The following CDK13 variants were observed in gnomAD, a reference collection of about 807,000 sequenced individuals.
The protein encoded by CDK13 is cyclin dependent kinase 13, also known as cyclin-dependent kinase 13.
In CDK13, 40 loss-of-function variants were observed where a neutral mutation model predicts 137.6. The ratio of observed to expected loss-of-function variants is 0.29; its 90% CI spans 0.23 to 0.38. The LOEUF (loss-of-function observed/expected upper bound fraction) is 0.38, where lower values mean the gene tolerates loss of function less well. Ranked by LOEUF, CDK13 falls within the 10% of genes least tolerant of loss-of-function variation. CDK13 has a pLI of 1.00. For synonymous variants in CDK13, 869 were observed against 760.1 expected (o/e 1.14, Z -2.36); for missense variants, 1,704 against 1,951.8 (o/e 0.87, Z 2.39).
At chr7:39,970,603 G>A (rs1783977740) in intron 1 of CDK13, among the ~76,000 whole-genome samples, 1 of 151,984 alleles carries the variant, frequency 6.6e-6, no homozygotes, top group South Asian at 2.1e-4. Context: ...TGGGATTACA[G>A]GCATGTGCCA....
At chr7:40,087,553 T>TG (rs1562767317) in intron 11 of CDK13, among the ~76,000 whole-genome samples, 2 of 147,430 alleles carry the variant, frequency 1.4e-5, no homozygotes, top group African/African-American at 2.6e-5. Context: ...GGTGTTTTTT[T>TG]TTTTTTTTTT....
intron 11 of CDK13, among the ~76,000 whole-genome samples, chr7:40,084,635 A>C (rs1786745014): frequency 1.3e-5 from 2 of 152,376 alleles, no homozygotes; most frequent in South Asian, 4.1e-4. Context: ...TATAAGACAA[A>C]ATATCAGTTG....
At chr7:40,045,022 T>A (rs909321084) in intron 5 of CDK13, among the ~76,000 whole-genome samples, 2 of 152,214 alleles carry the variant, frequency 1.3e-5, no homozygotes, top group African/African-American at 4.8e-5. Flanking sequence ...AATAAACTTT[T>A]AAGAAAGACT....
At chr7:40,072,142 T>C (rs1205380405) in intron 9 of CDK13, 1 of 152,186 alleles carries the variant, frequency 6.6e-6, no homozygotes, top group Non-Finnish European at 1.5e-5. Context: ...GTACATTCTT[T>C]TTTTGAGAGA....
At chr7:40,038,599 A>G (rs1785536415) in intron 5 of CDK13, among the ~76,000 whole-genome samples, 1 of 152,116 alleles carries the variant, frequency 6.6e-6, no homozygotes, top group Non-Finnish European at 1.5e-5. Context: ...CAATGTATGA[A>G]AGTGTTTCTT....
At chr7:40,056,906 CAA>C (rs2150523473) in intron 7 of CDK13, among the ~76,000 whole-genome samples, 1 of 152,324 alleles carries the variant, frequency 6.6e-6, no homozygotes, top group South Asian at 2.1e-4. Context: ...AAGAGAACCA[CAA>C]AAGTTAGTGG....
At chr7:40,018,803 A>G (rs566503263) in intron 5 of CDK13, among the ~76,000 whole-genome samples, 5 of 152,180 alleles carry the variant, frequency 3.3e-5, no homozygotes, top group Non-Finnish European at 7.4e-5. Flanking sequence ...CTCGGGTGAC[A>G]GGGGCACTAA....
intron 5 of CDK13, among the ~76,000 whole-genome samples, chr7:40,041,687 A>T (rs1785609179): frequency 6.6e-6 from 1 of 152,220 alleles, no homozygotes; most frequent in African/African-American, 2.4e-5. Flanking sequence ...AAATAACAGC[A>T]GAGATAGCGG....
At chr7:40,091,961 A>AG (rs1032235101) in intron 12 of CDK13, among the ~76,000 whole-genome samples, 1 of 152,194 alleles carries the variant, frequency 6.6e-6, no homozygotes, top group Non-Finnish European at 1.5e-5. Flanking sequence ...AGCTTGCGTG[A>AG]GGGAGGACCT....
intron 3 of CDK13, chr7:39,998,647 T>TA (rs915675662): frequency 6.6e-6 from 1 of 151,744 alleles, no homozygotes; most frequent in Non-Finnish European, 1.5e-5. Flanking sequence ...ATAAAATAGC[T>TA]AAAAAATACT....
intron 1 of CDK13, among the ~76,000 whole-genome samples, chr7:39,980,437 A>G (rs2116230865): frequency 6.6e-6 from 1 of 152,332 alleles, no homozygotes; most frequent in African/African-American, 2.4e-5. Flanking sequence ...TAGTTAATAG[A>G]GCTGTTATAA....
At chr7:40,081,034 A>G (rs1049260019) in intron 11 of CDK13, among the ~76,000 whole-genome samples, 2 of 152,266 alleles carry the variant, frequency 1.3e-5, no homozygotes, top group Middle Eastern at 6.8e-3. Context: ...TTCAAAGTTC[A>G]GCATTCTGTT....
intron 1 of CDK13, 148 bp from the exon 2 acceptor site, chr7:39,987,451 A>G (rs1784363128): frequency 1.4e-6 from 1 of 704,584 alleles, no homozygotes; most frequent in Middle Eastern, 4.0e-4. Flanking sequence ...ACTTTAAAGA[A>G]ATTTTTATTT....
At chr7:40,017,870 T>G (rs114441889) in intron 5 of CDK13, among the ~76,000 whole-genome samples, 5,938 of 151,954 alleles carry the variant, frequency 0.039, 338 homozygotes, top group African/African-American at 0.13. Context: ...TCTTAATCTT[T>G]TATTTTTATC....
intron 11 of CDK13, among the ~76,000 whole-genome samples, chr7:40,087,242 C>G (rs1786807886): frequency 6.6e-6 from 1 of 152,100 alleles, no homozygotes; most frequent in African/African-American, 2.4e-5. Flanking sequence ...CACCTGGGCT[C>G]AAGCTATTCT....
rs577618093 is a variant in CDK13 at position 39,988,774 on chromosome 7, A to G, written c.1871+516A>G. Reference sequence around the variant, plus strand: ...CTGTCTTGCAGTTGGGATTAATCACATTATATTATAGAAAACTCATAATGT... The same window carrying G: ...CTGTCTTGCAGTTGGGATTAATCACGTTATATTATAGAAAACTCATAATGT... On this transcript the variant is annotated intron_variant, in intron 2 of 13. Coordinates refer to ENST00000181839, the MANE Select transcript of CDK13 (RefSeq NM_003718.5). Among the ~76,000 whole-genome samples the G allele has an allele frequency of 2.0e-5, 3 of 152,270 alleles. No individual in the cohort carries two copies. In the South Asian group the frequency reaches 6.2e-4, roughly 32 times the overall value.
intron 7 of CDK13, among the ~76,000 whole-genome samples, chr7:40,058,683 A>G (rs889018469): frequency 2.6e-5 from 4 of 152,024 alleles, no homozygotes; most frequent in Admixed American, 2.0e-4. Context: ...TGGATTGGGG[A>G]TCTATTTTGG....
Position 40,092,984 on chromosome 7 carries a change from A to C in CDK13, c.3435A>C (p.Pro1145=). The part of the protein sequence containing the change: ...ILATGEKQTD[P]STPQQESSKP... ...CAACAGGTGAAAAACAGACAGATCC[A>C]TCAACACCACAACAGGAGTCTTCGA... is the stretch of plus-strand genomic sequence containing the variant. Residue 1145 remains proline (P), a synonymous_variant, in exon 13 of 14, where the codon CCA becomes CCC. Transcript: ENST00000181839. The C allele has an allele frequency of 1.2e-6, 2 of 1,614,238 alleles. No individual in the cohort carries two copies. The highest frequency in any genetic ancestry group is 1.7e-6 in the Non-Finnish European group (2 of 1,180,038).
At chr7:39,997,792 A>G in intron 3 of CDK13, 128 bp downstream of exon 3, 1 of 685,444 alleles carries the variant, frequency 1.5e-6, no homozygotes, top group South Asian at 2.1e-5. Context: ...AAATATATGA[A>G]TTCTATTAGA....
Sources: allele counts gnomAD v4.1 joint callset (sites outside exome capture counted in the v4.1 genomes callset), GRCh38; gene constraint gnomAD v4.1.1; transcripts MANE v1.5; gene names NCBI Gene and HGNC (gene_info 2026-07-23, HGNC 2026-07-21).